PRR5L: variants seen among roughly 807,000 people sequenced by gnomAD.
The protein encoded by PRR5L is proline rich 5 like.
PRR5L carries 21 observed loss-of-function variants against 36.4 expected under a neutral mutation model. The observed-to-expected ratio is 0.58, with a 90% confidence interval of 0.41 to 0.83. PRR5L has a LOEUF of 0.83. PRR5L is among the 40% of genes least tolerant of loss of function. PRR5L has a pLI of 0.00. For synonymous variants in PRR5L, 188 were observed against 197.0 expected (o/e 0.95, Z 0.38); for missense variants, 381 against 473.3 (o/e 0.80, Z 1.81).
At chr11:36,449,870 A>G (rs2133622855) in intron 7 of PRR5L, among the ~76,000 whole-genome samples, 1 of 152,298 alleles carries the variant, frequency 6.6e-6, no homozygotes. Context: ...TCACGTGTTC[A>G]TTATCCATTT....
intron 1 of PRR5L, among the ~76,000 whole-genome samples, chr11:36,364,250 A>G (rs1422759629): frequency 6.6e-6 from 1 of 152,256 alleles, no homozygotes; most frequent in Non-Finnish European, 1.5e-5. Flanking sequence ...AGCTATGCAT[A>G]GTAAACATTT....
intron 1 of PRR5L, among the ~76,000 whole-genome samples, chr11:36,357,672 AG>A (rs1333275344): frequency 6.6e-6 from 1 of 152,198 alleles, no homozygotes; most frequent in Non-Finnish European, 1.5e-5. Context: ...CATGTTTTAC[AG>A]AACATTTTAA....
intron 1 of PRR5L, among the ~76,000 whole-genome samples, chr11:36,335,491 C>T (rs752927321): frequency 6.6e-6 from 1 of 152,076 alleles, no homozygotes; most frequent in Non-Finnish European, 1.5e-5. Flanking sequence ...TTCATTGATG[C>T]CTGTTTTCCT....
chr11:36,442,206 G>T (rs1858736286), intron 6 of PRR5L, among the ~76,000 whole-genome samples: 1 of 152,104 alleles, frequency 6.6e-6, no homozygotes, highest in South Asian at 2.1e-4. Context: ...GCATGGCCAG[G>T]CTGCAAATTT....
At chr11:36,362,561 T>C (rs1857101925) in intron 1 of PRR5L, among the ~76,000 whole-genome samples, 1 of 151,946 alleles carries the variant, frequency 6.6e-6, no homozygotes, top group Admixed American at 6.5e-5. Context: ...AATTGACATA[T>C]TGGGGAAAGA....
intron 4 of PRR5L, among the ~76,000 whole-genome samples, chr11:36,428,750 G>T (rs1858434172): frequency 6.6e-6 from 1 of 152,138 alleles, no homozygotes; most frequent in South Asian, 2.1e-4. Flanking sequence ...CTGGGGGCAG[G>T]GGGTTATATA....
At chr11:36,394,628 C>T (rs10768209) in intron 1 of PRR5L, among the ~76,000 whole-genome samples, 43,574 of 152,026 alleles carry the variant, frequency 0.29, 8,264 homozygotes, top group African/African-American at 0.55. Context: ...TACTCCAGTT[C>T]CTGCGTCTGT....
intron 5 of PRR5L, among the ~76,000 whole-genome samples, chr11:36,434,645 A>G (rs555954555): frequency 5.3e-5 from 8 of 152,238 alleles, no homozygotes; most frequent in Non-Finnish European, 1.0e-4. Flanking sequence ...GCTGCGTTAC[A>G]TTAGAGGGCA....
At chr11:36,440,999 T>C (rs2133610958) in intron 6 of PRR5L, among the ~76,000 whole-genome samples, 1 of 152,260 alleles carries the variant, frequency 6.6e-6, no homozygotes, top group African/African-American at 2.4e-5. Context: ...GAGGGATCTG[T>C]CCCTATGACT....
intron 5 of PRR5L, 47 bp downstream of exon 5, chr11:36,431,957 C>G (rs1245972691): frequency 6.6e-7 from 1 of 1,516,044 alleles, no homozygotes; most frequent in Admixed American, 1.7e-5. Context: ...GTGACTCAGT[C>G]TTTGATGTCT....
At chr11:36,429,218 C>G (rs1157036230) in intron 4 of PRR5L, among the ~76,000 whole-genome samples, 2 of 152,086 alleles carry the variant, frequency 1.3e-5, no homozygotes, top group African/African-American at 4.8e-5. Context: ...CTTAGGGACC[C>G]TATAGCACTT....
rs560921269 is a variant in PRR5L at position 36,392,724 on chromosome 11, GGA to G, written c.-125-8264_-125-8263del. Among the ~76,000 whole-genome samples, 282 of 148,062 alleles carry G rather than the reference GGA, an allele frequency of 1.9e-3. 2 individuals are homozygous for G. The highest frequency in any genetic ancestry group is 3.3e-3 in the Non-Finnish European group (221 of 66,702). On this transcript the variant is annotated intron_variant, in intron 1 of 8. Coordinates refer to ENST00000530639, the MANE Select transcript of PRR5L (RefSeq NM_001160167.2). ...AAGGCAAAGGGAAAGCATAGTGACAGGAGAGAGAGACAGAGAGCAAGGCTGGA... is the reference window on the plus strand; with the variant it reads ...AAGGCAAAGGGAAAGCATAGTGACAGGAGAGAGACAGAGAGCAAGGCTGGA...
At chr11:36,318,729 A>C (rs1322952740) in intron 1 of PRR5L, among the ~76,000 whole-genome samples, 1 of 151,710 alleles carries the variant, frequency 6.6e-6, no homozygotes, top group Non-Finnish European at 1.5e-5. Flanking sequence ...TTGAGCAGCC[A>C]TGGAGTATAG....
intron 3 of PRR5L, among the ~76,000 whole-genome samples, chr11:36,416,840 C>A (rs145842065): frequency 2.0e-4 from 27 of 137,960 alleles, no homozygotes; most frequent in Non-Finnish European, 4.2e-4. Flanking sequence ...GAGGAGATGT[C>A]TTGGATTCCT....
chr11:36,462,714 T>C lies in PRR5L; in HGVS notation c.1085T>C (p.Leu362Pro), dbSNP rs1269117376. 8.9e-6 allele frequency: 14 copies of C among 1,575,920 alleles called. No homozygotes were observed. Among genetic ancestry groups the C allele is most frequent in the African/African-American group, 1.3e-5 (1 of 74,184 alleles). Reference protein sequence around the residue: ...GARGSQEGSELNCASLS With the variant: ...GARGSQEGSEPNCASLS ...AGGGGCAGCCAGGAGGGCTCGGAGC[T>C]GAACTGTGCTTCCCTCAGCTGAGTC... Residue 362 changes from leucine to proline, a missense_variant, in exon 9 of 9, where the codon CTG becomes CCG. Transcript: ENST00000530639.
At chr11:36,335,914 A>G (rs912253654) in intron 1 of PRR5L, among the ~76,000 whole-genome samples, 20 of 152,214 alleles carry the variant, frequency 1.3e-4, no homozygotes, top group African/African-American at 4.6e-4. Context: ...ATATTTTGAA[A>G]TGGAAATACT....
intron 3 of PRR5L, among the ~76,000 whole-genome samples, chr11:36,409,527 G>A (rs1163799229): frequency 6.6e-6 from 1 of 152,098 alleles, no homozygotes; most frequent in African/African-American, 2.4e-5. Context: ...AACCCAAAGG[G>A]AAATCCACCT....
Position 36,344,683 on chromosome 11 carries a change from CTG to C in PRR5L, c.-126+48247_-126+48248del, listed in dbSNP as rs1161527306. ...GGCATTAGAATGCAAAAAGTGCACT[CTG>C]TTTTTGTAAATAACAAAAAATGAGC... On this transcript the variant is annotated intron_variant, in intron 1 of 8. Transcript: ENST00000530639. This position sits in a 1 kb window ranked among gnomAD's most constrained non-coding sequence, Gnocchi z 4.1. Among the ~76,000 whole-genome samples, 6 of 152,150 alleles carry C rather than the reference CTG, an allele frequency of 3.9e-5. No homozygotes were observed. Among genetic ancestry groups the C allele is most frequent in the East Asian group, 1.9e-4 (1 of 5,194 alleles).
At chr11:36,459,496 C>A (rs1859133973) in intron 8 of PRR5L, among the ~76,000 whole-genome samples, 1 of 152,194 alleles carries the variant, frequency 6.6e-6, no homozygotes, top group African/African-American at 2.4e-5. Flanking sequence ...TTCCTTCCTT[C>A]TGGAAAGGCA....
Sources: allele counts gnomAD v4.1 joint callset (sites outside exome capture counted in the v4.1 genomes callset), GRCh38; gene constraint gnomAD v4.1.1; non-coding constraint Gnocchi (gnomAD v3.1); transcripts MANE v1.5; gene names NCBI Gene and HGNC (gene_info 2026-07-23, HGNC 2026-07-21).